Variants in GEN1 observed in about 807,000 individuals in gnomAD.
GEN1 encodes GEN1 structure-specific endonuclease.
A neutral mutation model predicts 67.6 loss-of-function variants in GEN1; 64 were observed. The observed-to-expected ratio is 0.95, with a 90% confidence interval of 0.77 to 1.17. The LOEUF (loss-of-function observed/expected upper bound fraction) is 1.17, where lower values mean the gene tolerates loss of function less well. Ranked by LOEUF, GEN1 falls within the 50% of genes most tolerant of loss-of-function variation. The probability of loss-of-function intolerance (pLI) is 0.00; values close to 1 mark genes in which losing one functional copy is unlikely to be tolerated. For missense variants in GEN1, 1,058 were observed against 1,048.3 expected (o/e 1.01, Z -0.13); for synonymous variants, 371 against 359.4 (o/e 1.03, Z -0.37).
At position 17,774,330 on chromosome 2, in the gene GEN1, A is replaced by G. The variant is rs775648742; in HGVS notation, c.1131A>G (p.Val377=). The change falls in exon 11 of 14, where the codon GTA becomes GTG. Residue 377 remains valine, a synonymous_variant. Transcript: ENST00000381254. Reference sequence around the variant, plus strand: ...ACTATGCATGTGAGAAATTGCTGGTACTTTTGACCCATTATGACATGATAG... The same window carrying G: ...ACTATGCATGTGAGAAATTGCTGGTGCTTTTGACCCATTATGACATGATAG... The part of the protein sequence containing the change: ...PNHYACEKLL[V]LLTHYDMIER... The G allele has an allele frequency of 9.4e-6, 15 of 1,603,728 alleles. No homozygotes were observed. Among genetic ancestry groups the G allele is most frequent in the Admixed American group, 3.3e-5 (2 of 59,838 alleles).
intron 3 of GEN1, among the ~76,000 whole-genome samples, chr2:17,764,030 C>T (rs925902163): frequency 3.3e-5 from 5 of 152,116 alleles, no homozygotes; most frequent in Admixed American, 2.0e-4. Flanking sequence ...AAAAGAATGG[C>T]GTATTACAAG....
intron 3 of GEN1, among the ~76,000 whole-genome samples, chr2:17,764,245 G>A (rs574914386): frequency 6.6e-6 from 1 of 152,180 alleles, no homozygotes; most frequent in African/African-American, 2.4e-5. Flanking sequence ...TACAGGGAAG[G>A]CAAGATGAGA....
intron 5 of GEN1, among the ~76,000 whole-genome samples, chr2:17,767,725 A>G (rs903174581): frequency 2.0e-5 from 3 of 152,250 alleles, no homozygotes. Flanking sequence ...AGTGGTATTT[A>G]AATTATGCAT....
chr2:17,760,062 C>T lies in GEN1; in HGVS notation c.119C>T (p.Thr40Ile), dbSNP rs751753032. ...DLSLWVCEAQ[T>I]VKKMMGSVMK... ...AGTCTCTGGGTGTGTGAGGCACAGA[C>T]AGTCAAAAAAATGATGGGCAGCGTC... is the stretch of plus-strand genomic sequence containing the variant. Residue 40 changes from threonine to isoleucine, a missense_variant, in exon 2 of 14, where the codon ACA becomes ATA. Physicochemically the swap from Thr to Ile is moderately conservative, Grantham distance 89. Transcript: ENST00000381254. 1 of 1,613,862 alleles carries T rather than the reference C, an allele frequency of 6.2e-7. No homozygotes were observed. The highest frequency in any genetic ancestry group is 1.7e-5 in the Admixed American group (1 of 60,004).
intron 8 of GEN1, 49 bp downstream of exon 8, chr2:17,772,833 A>C (rs1672257622): frequency 7.0e-7 from 1 of 1,435,382 alleles, no homozygotes; most frequent in Admixed American, 2.1e-5. Flanking sequence ...ACCTATACAC[A>C]TACCTTTGGT....
At chr2:17,767,686 T>C (rs1671996620) in intron 5 of GEN1, among the ~76,000 whole-genome samples, 1 of 152,232 alleles carries the variant, frequency 6.6e-6, no homozygotes, top group African/African-American at 2.4e-5. Context: ...ATTTGCTGAC[T>C]TGAACTCACA....
chr2:17,779,853 C>A, intron 12 of GEN1, 125 bp from the exon 13 acceptor site: 1 of 628,816 alleles, frequency 1.6e-6, no homozygotes, highest in Non-Finnish European at 2.7e-6. Context: ...AACTCCTGAC[C>A]TCATGATCCG....
chr2:17,777,784 TAAG>T (rs1672508498), intron 11 of GEN1, among the ~76,000 whole-genome samples: 2 of 152,036 alleles, frequency 1.3e-5, no homozygotes, highest in South Asian at 4.1e-4. Context: ...CACTGCATAA[TAAG>T]GTAAGAAACA....
At chr2:17,762,246 G>C (rs1182170245) in intron 3 of GEN1, among the ~76,000 whole-genome samples, 1 of 140,266 alleles carries the variant, frequency 7.1e-6, no homozygotes, top group African/African-American at 2.7e-5. Flanking sequence ...CTGTCACCCA[G>C]GCTGGAGTGC....
rs555463112 is a variant in GEN1, at chr2:17,786,111, T to C, written c.*4172T>C. ...TATTCAAATGTTTATGTGACAGGCATTGTGCTGGGCCCTGGAGATACAGTG... is the reference window on the plus strand; with the variant it reads ...TATTCAAATGTTTATGTGACAGGCACTGTGCTGGGCCCTGGAGATACAGTG... On this transcript the variant is annotated 3_prime_UTR_variant, in exon 14 of 14. Coordinates refer to ENST00000381254, the MANE Select transcript of GEN1 (RefSeq NM_001130009.3). 8 of 152,318 alleles carry C rather than the reference T, an allele frequency of 5.3e-5. No homozygotes were observed. Among genetic ancestry groups the C allele is most frequent in the African/African-American group, 1.9e-4 (8 of 41,560 alleles). The allele number at this position is 152,318 out of a possible 1,614,324, so 9.4% of individuals were successfully genotyped here.
rs775024514 is a variant in GEN1, at chr2:17,773,125, T to A, written c.983T>A (p.Phe328Tyr). ...KKACCCEGFP[F>Y]HEVIQEFLLN... is the part of the protein sequence containing the mutation. Reference sequence around the variant, plus strand: ...GCTTGCTGTTGTGAGGGATTCCCATTCCATGAGGTAATATCCAGTAATTCA... The same window carrying A: ...GCTTGCTGTTGTGAGGGATTCCCATACCATGAGGTAATATCCAGTAATTCA... Residue 328 changes from phenylalanine (F) to tyrosine (Y), a missense_variant, in exon 9 of 14, where the codon TTC (phenylalanine) becomes TAC (tyrosine). By Grantham distance (22) the Phe-to-Tyr change is conservative (BLOSUM62 3). Coordinates refer to ENST00000381254, the MANE Select transcript of GEN1 (RefSeq NM_001130009.3). 66 of 1,584,272 alleles carry A rather than the reference T, an allele frequency of 4.2e-5. No individual in the cohort carries two copies. The highest frequency in any genetic ancestry group is 5.5e-5 in the Non-Finnish European group (64 of 1,155,856).
chr2:17,773,063 A>G (rs1456610289), intron 8 of GEN1, 33 bp from the exon 9 acceptor site: 3 of 1,397,256 alleles, frequency 2.1e-6, no homozygotes, highest in Admixed American at 1.8e-5. Context: ...TTGTCTGATT[A>G]TAGTAATAAC....
chr2:17,783,833 A>G lies in GEN1; in HGVS notation c.*1894A>G, dbSNP rs1672955799. On this transcript the variant is annotated 3_prime_UTR_variant, in exon 14 of 14. Transcript: ENST00000381254. The stretch of plus-strand genomic sequence containing the variant: ...TGACATTTGATTCCTACTTCACATG[A>G]TATTTAAGAAGTAACTTAAGATGGA... 1 of 152,240 alleles carries G rather than the reference A, an allele frequency of 6.6e-6. No homozygotes were observed. The highest frequency in any genetic ancestry group is 1.9e-4 in the East Asian group (1 of 5,198). 9.4% of individuals were successfully genotyped at this position (152,240 alleles called of 1,614,324 possible). A position where few individuals can be genotyped will look rare whatever the true frequency, so the allele number is the denominator to read the frequency against.
chr2:17,760,799 G>A (rs1446976503), intron 2 of GEN1, among the ~76,000 whole-genome samples: 1 of 151,802 alleles, frequency 6.6e-6, no homozygotes, highest in Non-Finnish European at 1.5e-5. Context: ...GCAGATGCCT[G>A]TAATCCCAGC....
rs1188523906 is a variant in GEN1 at position 17,787,324 on chromosome 2, C to CT, written c.*5386dup. ...GCCTCTATCTCTCCCTCAGATAAGA[C>CT]TAAGATCTCTGAGCACAGGAATCAA... is the stretch of plus-strand genomic sequence containing the variant. On this transcript the variant is annotated 3_prime_UTR_variant, in exon 14 of 14. Coordinates refer to ENST00000381254, the MANE Select transcript of GEN1 (RefSeq NM_001130009.3). 1.3e-4 allele frequency: 20 copies of CT among 152,164 alleles called. No homozygotes were observed. The highest frequency in any genetic ancestry group is 4.3e-4 in the African/African-American group (18 of 41,442). The allele number at this position is 152,164 out of a possible 1,614,324, so 9.4% of individuals were successfully genotyped here.
chr2:17,754,613 G>T (rs1366713564), intron 1 of GEN1: 2 of 152,250 alleles, frequency 1.3e-5, no homozygotes, highest in Non-Finnish European at 2.9e-5. Context: ...GCTGGGTCCC[G>T]CTGTGCTTCC....
Position 17,781,714 on chromosome 2 carries a change from AAGTGG to A in GEN1, c.2503_2507del (p.Ser835ProfsTer2). 3.1e-6 allele frequency: 5 copies of A among 1,612,836 alleles called. No individual in the cohort carries two copies. The highest frequency in any genetic ancestry group is 4.2e-6 in the Non-Finnish European group (5 of 1,179,164). Reference sequence around the variant, plus strand: ...AGCATAATTCATCCCATTTCAAAGAAAGTGGCCATAACAAGTTGAGTAGCCCTAAG... The same window carrying A: ...AGCATAATTCATCCCATTTCAAAGAACCATAACAAGTTGAGTAGCCCTAAG... On this transcript the variant is annotated frameshift_variant, in exon 14 of 14. Transcript: ENST00000381254. LOFTEE classifies it low-confidence loss of function (END_TRUNC).
Position 17,780,603 on chromosome 2 carries a change from T to C in GEN1, c.1409-18T>C. Reference sequence around the variant, plus strand: ...AAAGAAAATAAATGTTGATTATATGTATTTTTTTTCTTTTCAGGTATTAAG... The same window carrying C: ...AAAGAAAATAAATGTTGATTATATGCATTTTTTTTCTTTTCAGGTATTAAG... On this transcript the variant is annotated intron_variant, in intron 13 of 13. Transcript: ENST00000381254. 1 of 1,412,394 alleles carries C rather than the reference T, an allele frequency of 7.1e-7. No individual in the cohort carries two copies. The highest frequency in any genetic ancestry group is 1.4e-5 in the South Asian group (1 of 73,656). 87.5% of individuals were successfully genotyped at this position (1,412,394 alleles called of 1,614,324 possible). A position where few individuals can be genotyped will look rare whatever the true frequency, so the allele number is the denominator to read the frequency against.
In GEN1 at chr2:17,787,199, C is replaced by T. The variant is rs1311405794; in HGVS notation, c.*5260C>T. 6.6e-6 allele frequency: 1 copy of T among 152,148 alleles called. No individual in the cohort carries two copies. Among genetic ancestry groups the T allele is most frequent in the Non-Finnish European group, 1.5e-5 (1 of 68,030 alleles). 9.4% of individuals were successfully genotyped at this position (152,148 alleles called of 1,614,324 possible). A position where few individuals can be genotyped will look rare whatever the true frequency, so the allele number is the denominator to read the frequency against. On this transcript the variant is annotated 3_prime_UTR_variant, in exon 14 of 14. Coordinates refer to ENST00000381254, the MANE Select transcript of GEN1 (RefSeq NM_001130009.3). ...CTATACGTGTCCCCAAAGAAATTAC[C>T]CATACATTCATCAGAGTATTTATCA...
Sources: allele counts gnomAD v4.1 joint callset (sites outside exome capture counted in the v4.1 genomes callset), GRCh38; gene constraint gnomAD v4.1.1; transcripts MANE v1.5; gene names NCBI Gene and HGNC (gene_info 2026-07-23, HGNC 2026-07-21).